KLHL1: variants seen among roughly 807,000 people sequenced by gnomAD.
KLHL1 encodes kelch-like protein 1.
Under a neutral mutation model 77.7 loss-of-function variants are expected in KLHL1, and 47 were observed. That is an observed-to-expected ratio of 0.60 (90% CI 0.48 to 0.77). KLHL1 has a LOEUF of 0.77. KLHL1 is among the 30% of genes least tolerant of loss of function. The probability of loss-of-function intolerance (pLI) is 0.00; values close to 1 mark genes in which losing one functional copy is unlikely to be tolerated. For synonymous variants in KLHL1, 360 were observed against 325.2 expected (o/e 1.11, Z -1.15); for missense variants, 925 against 910.8 (o/e 1.02, Z -0.20).
intron 7 of KLHL1, among the ~76,000 whole-genome samples, chr13:69,744,071 A>G (rs1482623186): frequency 6.6e-6 from 1 of 152,138 alleles, no homozygotes; most frequent in African/African-American, 2.4e-5. Flanking sequence ...TGGAGTTATC[A>G]GCAATTATAT....
rs756939332 is a variant in KLHL1, at chr13:69,707,588, T to C, written c.2187+37A>G. On this transcript the variant is annotated intron_variant, in intron 10 of 10. Coordinates refer to ENST00000377844, the MANE Select transcript of KLHL1 (RefSeq NM_020866.3). ...CACAGAAAGTAAATGAAATAAATTC[T>C]TATCCTTGAAGTGAATTATGCTGAT... The C allele has an allele frequency of 3.8e-6, 6 of 1,571,844 alleles. No homozygotes were observed. In the Admixed American group the frequency reaches 8.6e-5, roughly 23 times the overall value.
intron 4 of KLHL1, among the ~76,000 whole-genome samples, chr13:69,935,857 A>T (rs912755433): frequency 3.9e-5 from 6 of 152,204 alleles, no homozygotes; most frequent in Non-Finnish European, 7.3e-5. Flanking sequence ...AGAAACAGGG[A>T]ATTGATGAAT....
At chr13:69,948,772 G>T (rs1421662804) in intron 3 of KLHL1, among the ~76,000 whole-genome samples, 2 of 151,898 alleles carry the variant, frequency 1.3e-5, no homozygotes, top group African/African-American at 2.4e-5. Context: ...AATGCACAGA[G>T]TATCCATCTT....
chr13:70,056,599 TA>T (rs1228927203), intron 1 of KLHL1, among the ~76,000 whole-genome samples: 1 of 152,134 alleles, frequency 6.6e-6, no homozygotes, highest in Non-Finnish European at 1.5e-5. Context: ...TTAAAACATT[TA>T]AAAATTGAAA....
At position 70,071,833 on chromosome 13, in the gene KLHL1, C is replaced by T. The variant is rs556694225; in HGVS notation, c.497+35370G>A. Among the ~76,000 whole-genome samples, 30 of 152,080 alleles carry T rather than the reference C, an allele frequency of 2.0e-4. 1 individual carries two copies. The highest frequency in any genetic ancestry group is 7.0e-4 in the African/African-American group (29 of 41,456). On this transcript the variant is annotated intron_variant, in intron 1 of 10. Coordinates refer to ENST00000377844, the MANE Select transcript of KLHL1 (RefSeq NM_020866.3). ...TATGTTCAAAGCATGGAATACAGTA[C>T]ATACAGCAAAATTGGAAGTATGTCT...
intron 4 of KLHL1, among the ~76,000 whole-genome samples, chr13:69,919,554 A>T (rs954996215): frequency 5.6e-5 from 8 of 143,768 alleles, no homozygotes; most frequent in African/African-American, 2.1e-4. Context: ...CATTAATGAC[A>T]CCAATTTTCT....
At chr13:69,814,591 C>T (rs1878039263) in intron 6 of KLHL1, among the ~76,000 whole-genome samples, 1 of 152,050 alleles carries the variant, frequency 6.6e-6, no homozygotes, top group African/African-American at 2.4e-5. Flanking sequence ...TGAACAGATA[C>T]ATCTCAATAG....
intron 1 of KLHL1, among the ~76,000 whole-genome samples, chr13:70,085,797 G>A (rs1399994710): frequency 1.3e-5 from 2 of 152,108 alleles, no homozygotes; most frequent in African/African-American, 4.8e-5. Context: ...CTGGGAGGCA[G>A]AGGTTGCAGT....
At chr13:69,994,402 A>G (rs1173345118) in intron 1 of KLHL1, among the ~76,000 whole-genome samples, 1 of 152,076 alleles carries the variant, frequency 6.6e-6, no homozygotes, top group Non-Finnish European at 1.5e-5. Flanking sequence ...TCTTGAAGCT[A>G]ATCTCTTCAA....
chr13:69,886,493 AATAT>A (rs533488505), intron 4 of KLHL1, among the ~76,000 whole-genome samples: 1 of 151,324 alleles, frequency 6.6e-6, no homozygotes, highest in Non-Finnish European at 1.5e-5. Flanking sequence ...TATTGTTAAT[AATAT>A]ATATATAAAA....
chr13:69,797,500 A>C (rs553488279), intron 6 of KLHL1, among the ~76,000 whole-genome samples: 1 of 152,252 alleles, frequency 6.6e-6, no homozygotes, highest in Non-Finnish European at 1.5e-5. Flanking sequence ...TGCTTTTTAA[A>C]CCAGCTTTTA....
intron 7 of KLHL1, among the ~76,000 whole-genome samples, chr13:69,759,795 A>G (rs1176069660): frequency 2.0e-5 from 3 of 152,164 alleles, no homozygotes; most frequent in Admixed American, 1.3e-4. Context: ...ATGCCTAAAT[A>G]TTGTATCGTC....
At chr13:69,767,341 C>G (rs1875355398) in intron 7 of KLHL1, among the ~76,000 whole-genome samples, 1 of 152,044 alleles carries the variant, frequency 6.6e-6, no homozygotes, top group South Asian at 2.1e-4. Flanking sequence ...AACTTGCACA[C>G]TAACAAATTT....
intron 4 of KLHL1, among the ~76,000 whole-genome samples, chr13:69,893,832 T>C (rs1211249451): frequency 6.6e-6 from 1 of 152,234 alleles, no homozygotes; most frequent in Admixed American, 6.5e-5. Flanking sequence ...TATTTACTTA[T>C]GTGTTTATAG....
At chr13:69,886,768 G>A (rs1881235351) in intron 4 of KLHL1, among the ~76,000 whole-genome samples, 1 of 152,048 alleles carries the variant, frequency 6.6e-6, no homozygotes, top group Admixed American at 6.6e-5. Flanking sequence ...CTCTCTCATG[G>A]AAGTCTACTG....
At chr13:69,979,731 A>G (rs1170415850) in intron 1 of KLHL1, among the ~76,000 whole-genome samples, 1 of 152,228 alleles carries the variant, frequency 6.6e-6, no homozygotes, top group Admixed American at 6.5e-5. Context: ...GCTTGAAGTT[A>G]CAAGAAATGC....
At chr13:69,987,605 G>T (rs552508676) in intron 1 of KLHL1, among the ~76,000 whole-genome samples, 1 of 152,078 alleles carries the variant, frequency 6.6e-6, no homozygotes, top group East Asian at 1.9e-4. Context: ...AGTAAAGAAG[G>T]TTGGAAGGAA....
Position 69,743,612 on chromosome 13 carries a change from C to T in KLHL1, c.1640-3056G>A, listed in dbSNP as rs572038967. Among the ~76,000 whole-genome samples, 52 of 152,002 alleles carry T rather than the reference C, an allele frequency of 3.4e-4. 1 individual carries two copies. Among genetic ancestry groups the T allele is most frequent in the Non-Finnish European group, 5.2e-4 (35 of 67,954 alleles). On this transcript the variant is annotated intron_variant, in intron 7 of 10. Coordinates refer to ENST00000377844, the MANE Select transcript of KLHL1 (RefSeq NM_020866.3). The stretch of plus-strand genomic sequence containing the variant: ...CCAGCCTGGCCAACAAGGCAAAAAT[C>T]TCGTCTCTACTAAAAATACAAAAAT...
At chr13:69,827,187 ATAAAAT>A (rs1226787049) in intron 6 of KLHL1, among the ~76,000 whole-genome samples, 1 of 151,530 alleles carries the variant, frequency 6.6e-6, no homozygotes, top group Non-Finnish European at 1.5e-5. Context: ...ATTTTGGTAT[ATAAAAT>A]TAATTTATAA....
Sources: allele counts gnomAD v4.1 joint callset (sites outside exome capture counted in the v4.1 genomes callset), GRCh38; gene constraint gnomAD v4.1.1; transcripts MANE v1.5; gene names NCBI Gene and HGNC (gene_info 2026-07-23, HGNC 2026-07-21).